The following ZNF480 variants were observed in gnomAD, a reference collection of about 807,000 sequenced individuals.
ZNF480 encodes the protein zinc finger protein 480.
ZNF480 carries 15 observed loss-of-function variants against 14.4 expected under a neutral mutation model. That is an observed-to-expected ratio of 1.04 (90% CI 0.70 to 1.60). ZNF480 has a LOEUF of 1.60. Among genes scored for constraint, ZNF480 ranks in the 40% most tolerant of loss-of-function variants. The probability of loss-of-function intolerance (pLI) is 0.00; values close to 1 mark genes in which losing one functional copy is unlikely to be tolerated. For synonymous variants in ZNF480, 218 were observed against 215.5 expected (o/e 1.01, Z -0.10); for missense variants, 593 against 629.7 (o/e 0.94, Z 0.62).
At chr19:52,311,020 A>G (rs1983256968) in intron 2 of ZNF480, among the ~76,000 whole-genome samples, 1 of 151,416 alleles carries the variant, frequency 6.6e-6, no homozygotes, top group Admixed American at 6.6e-5. Flanking sequence ...AAAAAAAAAA[A>G]AAAAAAGATG....
intron 2 of ZNF480, among the ~76,000 whole-genome samples, chr19:52,304,235 G>T (rs779421138): frequency 2.0e-5 from 3 of 152,162 alleles, no homozygotes; most frequent in South Asian, 4.1e-4. Flanking sequence ...GCTCAGCTAA[G>T]GGGATAGTAA....
rs2122567714 is a variant in ZNF480 at position 52,322,738 on chromosome 19, A to G, written c.1488A>G (p.Ala496=). 1 of 1,612,866 alleles carries G rather than the reference A, an allele frequency of 6.2e-7. No homozygotes were observed. Among genetic ancestry groups the G allele is most frequent in the East Asian group, 2.2e-5 (1 of 44,770 alleles). Reference sequence around the variant, plus strand: ...GTGGCAAGGTCTTCAATCGAATTGCACACCTTGCACGACATCGGAAAATTC... The same window carrying G: ...GTGGCAAGGTCTTCAATCGAATTGCGCACCTTGCACGACATCGGAAAATTC... ...NECGKVFNRI[A]HLARHRKIHT... The change falls in exon 5 of 5, where the codon GCA becomes GCG. Residue 496 remains alanine (A), a synonymous_variant. Transcript: ENST00000595962.
rs321935 is a variant in ZNF480, at chr19:52,325,387, A to C, written c.*2529A>C. On this transcript the variant is annotated 3_prime_UTR_variant, in exon 5 of 5. Coordinates refer to ENST00000595962, the MANE Select transcript of ZNF480 (RefSeq NM_144684.4). Reference sequence around the variant, plus strand: ...CAGCGATTTCTCAAAGACATAAAAGAACATAGCATTCAACCCAGCATCCCA... The same window carrying C: ...CAGCGATTTCTCAAAGACATAAAAGCACATAGCATTCAACCCAGCATCCCA... 121,901 of 152,226 alleles carry C rather than the reference A, an allele frequency of 0.8. 49,855 individuals carry two copies. The highest frequency in any genetic ancestry group is 0.96 in the African/African-American group (39,757 of 41,578). The allele number at this position is 152,226 out of a possible 1,614,324, so 9.4% of individuals were successfully genotyped here.
chr19:52,317,276 A>T (rs1983604487), intron 4 of ZNF480: 1 of 152,032 alleles, frequency 6.6e-6, no homozygotes, highest in Non-Finnish European at 1.5e-5. Context: ...TCAGCCTCCC[A>T]AAGTGCTGGG....
Position 52,322,615 on chromosome 19 carries a change from C to A in ZNF480, c.1365C>A (p.Tyr455Ter). 1 of 1,614,028 alleles carries A rather than the reference C, an allele frequency of 6.2e-7. No homozygotes were observed. The highest frequency in any genetic ancestry group is 8.5e-7 in the Non-Finnish European group (1 of 1,179,986). ...TAATCCACACTGGAGAGAAGCCTTA[C>A]AAATGTAGTGAATGTGGCAAGGCAT... ...HLVIHTGEKPYKCSECGKAFR... is the reference protein window; with the variant it reads ...HLVIHTGEKP The change falls in exon 5 of 5, where the codon TAC (tyrosine) becomes TAA (stop). Residue 455 changes from tyrosine to a stop codon, truncating the protein, a stop_gained. Transcript: ENST00000595962. LOFTEE classifies it low-confidence loss of function (END_TRUNC).
At chr19:52,310,014 T>G (rs913353095) in intron 2 of ZNF480, among the ~76,000 whole-genome samples, 5 of 151,978 alleles carry the variant, frequency 3.3e-5, no homozygotes, top group Non-Finnish European at 7.4e-5. Flanking sequence ...TTTCAATATA[T>G]TTTTTTCTTT....
chr19:52,301,466 G>C (rs933266323), intron 2 of ZNF480: 2 of 152,148 alleles, frequency 1.3e-5, no homozygotes, highest in Non-Finnish European at 2.9e-5. Flanking sequence ...TTATACAGAT[G>C]AGGAGTAATG....
At chr19:52,316,150 TTTTG>T (rs1385130847) in intron 4 of ZNF480, among the ~76,000 whole-genome samples, 188 bp downstream of exon 4, 1 of 152,094 alleles carries the variant, frequency 6.6e-6, no homozygotes, top group African/African-American at 2.4e-5. Flanking sequence ...TAAATAATTT[TTTTG>T]TTTATTTGAC....
chr19:52,307,849 C>T (rs998650314), intron 2 of ZNF480, among the ~76,000 whole-genome samples: 1 of 152,166 alleles, frequency 6.6e-6, no homozygotes, highest in African/African-American at 2.4e-5. Flanking sequence ...TTTGGGCAGG[C>T]CAGGTGTTCC....
At chr19:52,301,188 G>C (rs887995356) in intron 2 of ZNF480, 17 of 152,592 alleles carry the variant, frequency 1.1e-4, no homozygotes, top group African/African-American at 4.1e-4. Flanking sequence ...ATTTGGATCT[G>C]CATGCTACAC....
intron 4 of ZNF480, among the ~76,000 whole-genome samples, chr19:52,319,811 GTTTTTTTTTTTT>G (rs56151161): frequency 1.0e-5 from 1 of 96,900 alleles, no homozygotes; most frequent in African/African-American, 3.6e-5. Flanking sequence ...CTGATACTGT[GTTTTTTTTTTTT>G]TTTTTTTTTT....
chr19:52,308,629 G>C (rs1323796402), intron 2 of ZNF480: 1 of 152,082 alleles, frequency 6.6e-6, no homozygotes, highest in Non-Finnish European at 1.5e-5. Flanking sequence ...TTTTACTACA[G>C]TTGAAGCTAA....
At chr19:52,318,643 GT>G (rs1428141036) in intron 4 of ZNF480, among the ~76,000 whole-genome samples, 5 of 152,086 alleles carry the variant, frequency 3.3e-5, no homozygotes, top group African/African-American at 1.2e-4. Flanking sequence ...TTTTCTAGGA[GT>G]TTTATCGTTT....
At chr19:52,298,132 G>C (rs1355648820) in intron 1 of ZNF480, among the ~76,000 whole-genome samples, 5 of 152,062 alleles carry the variant, frequency 3.3e-5, no homozygotes, top group Non-Finnish European at 7.4e-5. Context: ...GTTTGAGAGT[G>C]GGGGAGAGGG....
chr19:52,319,347 G>T (rs2122558044), intron 4 of ZNF480, among the ~76,000 whole-genome samples: 1 of 152,154 alleles, frequency 6.6e-6, no homozygotes, highest in South Asian at 2.1e-4. Context: ...ATTTTTGCAG[G>T]TGACTTTTGC....
intron 2 of ZNF480, among the ~76,000 whole-genome samples, chr19:52,312,728 GGAGTTAGTA>G (rs1315077446): frequency 6.6e-6 from 1 of 152,120 alleles, no homozygotes; most frequent in Non-Finnish European, 1.5e-5. Flanking sequence ...TGTTGTTATA[GGAGTTAGTA>G]CATGTAAAGC....
At position 52,324,822 on chromosome 19, in the gene ZNF480, T is replaced by A. The variant is rs973426683; in HGVS notation, c.*1964T>A. The A allele has an allele frequency of 3.9e-5, 6 of 152,084 alleles. No homozygotes were observed. The highest frequency in any genetic ancestry group is 2.0e-4 in the Admixed American group (3 of 15,258). 9.4% of individuals were successfully genotyped at this position (152,084 alleles called of 1,614,324 possible). The stretch of plus-strand genomic sequence containing the variant: ...ACTTAAATATAAAACCTAAAAGTAT[T>A]AAATTCCTAGAAGAAAACCCAGGAA... On this transcript the variant is annotated 3_prime_UTR_variant, in exon 5 of 5. Transcript: ENST00000595962.
chr19:52,300,533 C>T (rs372076243), intron 2 of ZNF480, 49 bp downstream of exon 2: 32 of 1,604,638 alleles, frequency 2.0e-5, no homozygotes, highest in African/African-American at 2.7e-5. Context: ...CTTTCAGAAA[C>T]GCTGGGCCTT....
rs761513092 is a variant in ZNF480 at position 52,322,415 on chromosome 19, C to T, written c.1165C>T (p.His389Tyr). ...TATTCAAAATTCGCACCTAGCACAA[C>T]ATTGGAGAATTCATACAGGAGAGAA... ...VFIQNSHLAQHWRIHTGEKPY... is the reference protein window; with the variant it reads ...VFIQNSHLAQYWRIHTGEKPY... Residue 389 changes from histidine to tyrosine, a missense_variant, in exon 5 of 5, where the codon CAT (histidine) becomes TAT (tyrosine). Coordinates refer to ENST00000595962, the MANE Select transcript of ZNF480 (RefSeq NM_144684.4). The T allele has an allele frequency of 1.9e-6, 3 of 1,614,002 alleles. No individual in the cohort carries two copies. The highest frequency in any genetic ancestry group is 2.5e-6 in the Non-Finnish European group (3 of 1,179,988).
Sources: allele counts gnomAD v4.1 joint callset (sites outside exome capture counted in the v4.1 genomes callset), GRCh38; gene constraint gnomAD v4.1.1; transcripts MANE v1.5; gene names NCBI Gene and HGNC (gene_info 2026-07-23, HGNC 2026-07-21).